Variants in CNTN4 observed in about 807,000 individuals in gnomAD.
CNTN4 encodes contactin-4.
CNTN4 carries 77 observed loss-of-function variants against 122.5 expected under a neutral mutation model. That is an observed-to-expected ratio of 0.63 (90% CI 0.52 to 0.76). The LOEUF (loss-of-function observed/expected upper bound fraction) is 0.76. Among genes scored for constraint, CNTN4 ranks in the 30% least tolerant of loss-of-function variants. The probability of loss-of-function intolerance (pLI) is 0.00; values close to 1 mark genes in which losing one functional copy is unlikely to be tolerated. For missense variants in CNTN4, 1,256 were observed against 1,259.1 expected (o/e 1.00, Z 0.04); for synonymous variants, 512 against 447.0 (o/e 1.15, Z -1.83).
intron 13 of CNTN4, among the ~76,000 whole-genome samples, chr3:2,950,205 G>A (rs2094724558): frequency 6.6e-6 from 1 of 152,236 alleles, no homozygotes; most frequent in African/African-American, 2.4e-5. Flanking sequence ...GCACTGGAGT[G>A]GGATGCTGTG....
At chr3:2,172,440 T>C (rs1421771645) in intron 2 of CNTN4, among the ~76,000 whole-genome samples, 1 of 152,124 alleles carries the variant, frequency 6.6e-6, no homozygotes, top group East Asian at 1.9e-4. Context: ...AGACTACATA[T>C]TGGGTACAGT....
At chr3:2,623,727 G>T (rs1330908383) in intron 4 of CNTN4, among the ~76,000 whole-genome samples, 1 of 152,142 alleles carries the variant, frequency 6.6e-6, no homozygotes, top group Non-Finnish European at 1.5e-5. Flanking sequence ...TGGGAATACA[G>T]AGTGGAAAAC....
intron 2 of CNTN4, among the ~76,000 whole-genome samples, chr3:2,145,378 G>C (rs770093798): frequency 6.6e-6 from 1 of 152,190 alleles, no homozygotes. Flanking sequence ...CTCTGGCCTT[G>C]TCACATTGCA....
At chr3:2,800,039 T>C (rs1430932855) in intron 6 of CNTN4, among the ~76,000 whole-genome samples, 2 of 152,000 alleles carry the variant, frequency 1.3e-5, no homozygotes, top group African/African-American at 4.8e-5. Flanking sequence ...ACTGATAGCC[T>C]TGTAGTAGAA....
intron 23 of CNTN4, among the ~76,000 whole-genome samples, chr3:3,051,629 C>T (rs1243271008): frequency 6.6e-6 from 1 of 152,192 alleles, no homozygotes; most frequent in Non-Finnish European, 1.5e-5. Context: ...GCCTAATCAT[C>T]AGCAAGGGGA....
intron 2 of CNTN4, among the ~76,000 whole-genome samples, chr3:2,166,939 A>C (rs1472593267): frequency 1.3e-5 from 2 of 152,218 alleles, no homozygotes; most frequent in African/African-American, 2.4e-5. Context: ...ATTTGGAAGA[A>C]AGAAACGAGA....
At chr3:2,798,052 T>C (rs2092245002) in intron 6 of CNTN4, among the ~76,000 whole-genome samples, 1 of 72,396 alleles carries the variant, frequency 1.4e-5, no homozygotes, top group South Asian at 5.4e-4. Flanking sequence ...ACCCATTAAG[T>C]ATTTTTTTTT....
At chr3:2,580,777 A>T (rs1299906993) in intron 4 of CNTN4, among the ~76,000 whole-genome samples, 1 of 152,214 alleles carries the variant, frequency 6.6e-6, no homozygotes, top group Non-Finnish European at 1.5e-5. Flanking sequence ...TATATGCCAG[A>T]TACAGCACCT....
At chr3:2,137,997 G>A (rs944084205) in intron 2 of CNTN4, among the ~76,000 whole-genome samples, 1 of 152,150 alleles carries the variant, frequency 6.6e-6, no homozygotes, top group African/African-American at 2.4e-5. Flanking sequence ...CAAAGAGGCT[G>A]GGAAAGTAAG....
At chr3:2,483,060 C>T (rs144925013) in intron 3 of CNTN4, among the ~76,000 whole-genome samples, 12 of 152,294 alleles carry the variant, frequency 7.9e-5, no homozygotes, top group Admixed American at 2.0e-4. Flanking sequence ...AAGCCACAGA[C>T]ACTCAATGCC....
In CNTN4 at chr3:2,789,756, A is replaced by C. The variant is rs908986924; in HGVS notation, c.359-29730A>C. Among the ~76,000 whole-genome samples the C allele has an allele frequency of 1.5e-4, 23 of 152,326 alleles. 1 individual carries two copies. The highest frequency in any genetic ancestry group is 1.0e-3 in the Admixed American group (16 of 15,288). ...TCGGATTTATTTTGGTAGAAAATAG[A>C]GGATAACCCAAAGAACAATGTAGAG... On this transcript the variant is annotated intron_variant, in intron 6 of 24. Coordinates refer to ENST00000418658, the MANE Select transcript of CNTN4 (RefSeq NM_175607.3).
In CNTN4 at chr3:2,721,168, C is replaced by A. The variant is rs541011406; in HGVS notation, c.56-15047C>A. On this transcript the variant is annotated intron_variant, in intron 4 of 24. Transcript: ENST00000418658. The stretch of plus-strand genomic sequence containing the variant: ...TATATTTTTAGTAGAGATGAGGGTT[C>A]ACCATGTTGGCCAGACTGGTCTCCA... 2.0e-5 allele frequency among the ~76,000 whole-genome samples: 3 copies of A among 152,154 alleles called. No homozygotes were observed. In the South Asian group the frequency reaches 6.2e-4, roughly 32 times the overall value.
At chr3:2,808,468 C>G (rs2092522688) in intron 6 of CNTN4, among the ~76,000 whole-genome samples, 1 of 152,058 alleles carries the variant, frequency 6.6e-6, no homozygotes, top group Non-Finnish European at 1.5e-5. Context: ...AATGAAGAAT[C>G]ATATTTCTTT....
At chr3:2,968,318 C>T (rs757334896) in intron 13 of CNTN4, among the ~76,000 whole-genome samples, 4 of 151,998 alleles carry the variant, frequency 2.6e-5, no homozygotes, top group Admixed American at 6.6e-5. Context: ...GCCAAAGAAG[C>T]GCATCAAAAC....
Position 3,040,040 on chromosome 3 carries a change from G to T in CNTN4, c.2167G>T (p.Val723Phe), listed in dbSNP as rs771830043. ...GACCACCTTCCTTCTTTCCCAGACG[G>T]TCCCTGAGGAATTACAGAATGGTCG... Reference protein sequence around the residue: ...KSELVITWETVPEELQNGRGF... With the variant: ...KSELVITWETFPEELQNGRGF... Residue 723 changes from valine to phenylalanine, a missense_variant, in exon 20 of 25, where the codon GTC (valine) becomes TTC (phenylalanine). By Grantham distance (50) the Val-to-Phe change is conservative. Transcript: ENST00000418658. The T allele has an allele frequency of 6.2e-6, 10 of 1,606,992 alleles. No homozygotes were observed. The highest frequency in any genetic ancestry group is 1.3e-5 in the African/African-American group (1 of 74,874).
chr3:3,016,314 C>T (rs1306709672), intron 14 of CNTN4, among the ~76,000 whole-genome samples: 1 of 152,024 alleles, frequency 6.6e-6, no homozygotes, highest in Non-Finnish European at 1.5e-5. Flanking sequence ...AACATATACC[C>T]CCCTTCCCTC....
chr3:2,214,770 C>T (rs2038767568), intron 2 of CNTN4, among the ~76,000 whole-genome samples: 1 of 151,778 alleles, frequency 6.6e-6, no homozygotes, highest in Admixed American at 6.6e-5. Context: ...AGGCTGCATC[C>T]CAGTAGGTAC....
intron 3 of CNTN4, among the ~76,000 whole-genome samples, chr3:2,537,237 A>T (rs1406397423): frequency 1.3e-5 from 2 of 152,108 alleles, no homozygotes; most frequent in Admixed American, 1.3e-4. Flanking sequence ...ACTGTCCCGA[A>T]GATATATAAT....
rs1434810450 is a variant in CNTN4, at chr3:2,344,861, C to A, written c.-89+5628C>A. On this transcript the variant is annotated intron_variant, in intron 3 of 24. Transcript: ENST00000418658. ...TTAGGCTATCACATTAGATTTTTGGCAGTTCAACTGTTCCAGGGTTGGCTT... is the reference window on the plus strand; with the variant it reads ...TTAGGCTATCACATTAGATTTTTGGAAGTTCAACTGTTCCAGGGTTGGCTT... Among the ~76,000 whole-genome samples, 3 of 152,144 alleles carry A rather than the reference C, an allele frequency of 2.0e-5. 1 individual carries two copies. The highest frequency in any genetic ancestry group is 7.2e-5 in the African/African-American group (3 of 41,424).
Sources: gnomAD v4.1 joint callset for allele counts (sites outside exome capture counted in the v4.1 genomes callset) on GRCh38, gnomAD v4.1.1 for gene constraint, MANE v1.5 for transcripts, NCBI Gene and HGNC (gene_info 2026-07-23, HGNC 2026-07-21) for gene names.